Variants in NMT2 observed in about 807,000 individuals in gnomAD.
NMT2 encodes N-myristoyltransferase 2, also known as glycylpeptide N-tetradecanoyltransferase 2.
In NMT2, 35 loss-of-function variants were observed where a neutral mutation model predicts 65.4. That is an observed-to-expected ratio of 0.54 (90% CI 0.41 to 0.71). The LOEUF is 0.71. NMT2 is among the 30% of genes least tolerant of loss of function. NMT2 has a pLI of 0.00. For synonymous variants in NMT2, 226 were observed against 231.8 expected (o/e 0.98, Z 0.23); for missense variants, 489 against 611.3 (o/e 0.80, Z 2.11).
chr10:15,148,801 A>T (rs1220928980), intron 1 of NMT2, among the ~76,000 whole-genome samples: 2 of 149,250 alleles, frequency 1.3e-5, no homozygotes, highest in South Asian at 2.1e-4. Context: ...AGAAATCAAT[A>T]AAAAAAAATT....
intron 1 of NMT2, among the ~76,000 whole-genome samples, chr10:15,158,925 C>T (rs963495567): frequency 1.3e-5 from 2 of 152,160 alleles, no homozygotes; most frequent in African/African-American, 2.4e-5. Flanking sequence ...ATTTACCCCC[C>T]AAAGGTGCCA....
At chr10:15,126,375 G>A (rs1339266669) in intron 8 of NMT2, among the ~76,000 whole-genome samples, 1 of 150,766 alleles carries the variant, frequency 6.6e-6, no homozygotes, top group Admixed American at 6.6e-5. Context: ...ATTGCAATGA[G>A]CTGAGATTGT....
intron 9 of NMT2, among the ~76,000 whole-genome samples, chr10:15,118,598 A>C (rs970851914): frequency 2.6e-5 from 4 of 152,160 alleles, no homozygotes; most frequent in Non-Finnish European, 5.9e-5. Context: ...TCAAAAAAAA[A>C]AAACAGGCAA....
intron 1 of NMT2, among the ~76,000 whole-genome samples, chr10:15,167,281 T>C (rs1031163068): frequency 2.0e-5 from 3 of 152,222 alleles, no homozygotes; most frequent in South Asian, 2.1e-4. Context: ...GAGATGCACA[T>C]AGTCAGCTTT....
In NMT2 at chr10:15,107,621, C is replaced by CT. The variant is rs1293167513; in HGVS notation, c.*1573dup. 1 of 452,510 alleles carries CT rather than the reference C, an allele frequency of 2.2e-6. No homozygotes were observed. The highest frequency in any genetic ancestry group is 2.1e-5 in the African/African-American group (1 of 46,614). The allele number at this position is 452,510 out of a possible 1,614,324, so 28.0% of individuals were successfully genotyped here. A position where few individuals can be genotyped will look rare whatever the true frequency, so the allele number is the denominator to read the frequency against. On this transcript the variant is annotated 3_prime_UTR_variant, in exon 12 of 12. Transcript: ENST00000378165. ...CACCCGCCACCACACCCAGCTAGTT[C>CT]TTTTTGAATTTTTAGTAGAGATGGG...
At chr10:15,116,949 C>G (rs1196684773) in intron 9 of NMT2, among the ~76,000 whole-genome samples, 1 of 152,174 alleles carries the variant, frequency 6.6e-6, no homozygotes, top group African/African-American at 2.4e-5. Context: ...AACAGCTAAG[C>G]TCAGATCATT....
chr10:15,121,392 A>G (rs1396129946), intron 8 of NMT2, among the ~76,000 whole-genome samples: 2 of 152,120 alleles, frequency 1.3e-5, no homozygotes, highest in Non-Finnish European at 2.9e-5. Flanking sequence ...TTTGAGACGG[A>G]GTCTCACTCT....
chr10:15,113,443 C>T (rs1296380761), intron 9 of NMT2, among the ~76,000 whole-genome samples: 2 of 119,070 alleles, frequency 1.7e-5, no homozygotes, highest in Non-Finnish European at 3.1e-5. Context: ...GCACTCCAGC[C>T]TGGGCGACAG....
chr10:15,123,531 G>GAAA (rs775699014), intron 8 of NMT2, among the ~76,000 whole-genome samples: 6 of 52,542 alleles, frequency 1.1e-4, no homozygotes, highest in East Asian at 8.1e-4. Flanking sequence ...TCGTCTCACA[G>GAAA]AAAAAAAAAA....
In NMT2 at chr10:15,135,413, G is replaced by A. The variant is rs1846445998; in HGVS notation, c.252C>T (p.Pro84=). The A allele has an allele frequency of 6.2e-7, 1 of 1,613,926 alleles. No individual in the cohort carries two copies. Residue 84 remains proline (P), a synonymous_variant, in exon 3 of 12, where the codon CCC becomes CCT. Transcript: ENST00000378165. The part of the protein sequence containing the change: ...EIKIQQPSKN[P]SVPMQKLQDI... ...CCTGCAACTTCTGCATTGGAACACT[G>A]GGATTCTACGACAGCAAAGACAGAC... is the stretch of plus-strand genomic sequence containing the variant.
At chr10:15,137,529 T>A (rs1356006153) in intron 2 of NMT2, among the ~76,000 whole-genome samples, 1 of 152,190 alleles carries the variant, frequency 6.6e-6, no homozygotes, top group Non-Finnish European at 1.5e-5. Flanking sequence ...AATTCATGTG[T>A]ATCTGAACTC....
rs1845329751 is a variant in NMT2, at chr10:15,107,093, A to C, written c.*2102T>G. On this transcript the variant is annotated 3_prime_UTR_variant, in exon 12 of 12. Coordinates refer to ENST00000378165, the MANE Select transcript of NMT2 (RefSeq NM_004808.3). ...CACTGTATTCTAGCCTGGACAATAG[A>C]GTGAGACCCTGTCCTAAAAAAAAAA... 7.0e-6 allele frequency among the ~76,000 whole-genome samples: 1 copy of C among 142,014 alleles called. No homozygotes were observed. Among genetic ancestry groups the C allele is most frequent in the African/African-American group, 2.6e-5 (1 of 38,230 alleles). 93.2% of individuals were successfully genotyped at this position (142,014 alleles called of 152,430 possible).
intron 1 of NMT2, among the ~76,000 whole-genome samples, chr10:15,147,869 A>T (rs1315653969): frequency 6.6e-6 from 1 of 152,246 alleles, no homozygotes; most frequent in Non-Finnish European, 1.5e-5. Flanking sequence ...AAAAGTACAA[A>T]CCATAAGAGA....
chr10:15,114,043 G>A (rs1050825497), intron 9 of NMT2, among the ~76,000 whole-genome samples: 1 of 152,172 alleles, frequency 6.6e-6, no homozygotes, highest in Non-Finnish European at 1.5e-5. Context: ...AAGGATGTAT[G>A]CTTTGGTTTT....
intron 6 of NMT2, among the ~76,000 whole-genome samples, chr10:15,131,429 A>G (rs996721596): frequency 1.3e-5 from 2 of 151,726 alleles, no homozygotes; most frequent in Admixed American, 1.3e-4. Flanking sequence ...GATTACAAGC[A>G]TGAATCACTA....
intron 2 of NMT2, 77 bp from the exon 3 acceptor site, chr10:15,135,495 GC>G: frequency 2.1e-6 from 3 of 1,462,990 alleles, no homozygotes; most frequent in South Asian, 1.2e-5. Context: ...ACGTGCATCT[GC>G]CTCAGAGACT....
chr10:15,143,679 T>C lies in NMT2; in HGVS notation c.111-2122A>G, dbSNP rs773767532. Among the ~76,000 whole-genome samples the C allele has an allele frequency of 5.9e-5, 9 of 152,162 alleles. No individual in the cohort carries two copies. In the East Asian group the frequency reaches 7.7e-4, roughly 13 times the overall value. On this transcript the variant is annotated intron_variant, in intron 1 of 11. Coordinates refer to ENST00000378165, the MANE Select transcript of NMT2 (RefSeq NM_004808.3). ...TCTCTTGAGACCAGCCTGAGCAATA[T>C]AGTGAGACCCTGTCCCCATAAAAAG...
chr10:15,143,985 T>G (rs1846869069), intron 1 of NMT2, among the ~76,000 whole-genome samples: 1 of 152,206 alleles, frequency 6.6e-6, no homozygotes, highest in Admixed American at 6.5e-5. Context: ...AAAAAATCCT[T>G]AAGTAAGTTT....
chr10:15,110,046 T>C (rs748630599), intron 10 of NMT2, among the ~76,000 whole-genome samples: 4 of 151,104 alleles, frequency 2.6e-5, no homozygotes, highest in Non-Finnish European at 5.9e-5. Context: ...CTGAGGTGGG[T>C]GGATCACTTG....
Sources: allele counts gnomAD v4.1 joint callset (sites outside exome capture counted in the v4.1 genomes callset), GRCh38; gene constraint gnomAD v4.1.1; transcripts MANE v1.5; gene names NCBI Gene and HGNC (gene_info 2026-07-23, HGNC 2026-07-21).